The following SOX6 variants were observed in gnomAD, a reference collection of about 807,000 sequenced individuals.
The protein encoded by SOX6 is SRY-box transcription factor 6, also known as transcription factor SOX-6.
Under a neutral mutation model 97.8 loss-of-function variants are expected in SOX6, and 11 were observed. The observed-to-expected ratio is 0.11, with a 90% confidence interval of 0.07 to 0.19. SOX6 has a LOEUF of 0.19. SOX6 is among the 10% of genes least tolerant of loss of function. SOX6 has a pLI of 1.00. For synonymous variants in SOX6, 360 were observed against 371.4 expected (o/e 0.97, Z 0.35); for missense variants, 810 against 1,039.5 (o/e 0.78, Z 3.04).
At chr11:16,733,921 G>A (rs1357008509) in intron 2 of SOX6, among the ~76,000 whole-genome samples, 5 of 151,338 alleles carry the variant, frequency 3.3e-5, no homozygotes, top group Admixed American at 3.3e-4. Context: ...CAGCTACTCA[G>A]GAGGCTGAGG....
chr11:16,732,278 A>C (rs1848356196), intron 2 of SOX6, among the ~76,000 whole-genome samples: 1 of 152,238 alleles, frequency 6.6e-6, no homozygotes, highest in Non-Finnish European at 1.5e-5. Flanking sequence ...CATATACCCC[A>C]GACAATCCTA....
At chr11:16,034,632 A>T (rs2133889971) in intron 12 of SOX6, among the ~76,000 whole-genome samples, 1 of 152,338 alleles carries the variant, frequency 6.6e-6, no homozygotes, top group South Asian at 2.1e-4. Flanking sequence ...ACCAGCTGAA[A>T]ATGAAAATAA....
chr11:16,595,803 A>G (rs1848207088), intron 4 of SOX6, among the ~76,000 whole-genome samples: 1 of 152,104 alleles, frequency 6.6e-6, no homozygotes, highest in South Asian at 2.1e-4. Flanking sequence ...AGATTAAAAA[A>G]ACAAAAACCT....
At chr11:16,251,116 C>T (rs1187578269) in intron 3 of SOX6, among the ~76,000 whole-genome samples, 1 of 152,046 alleles carries the variant, frequency 6.6e-6, no homozygotes, top group African/African-American at 2.4e-5. Flanking sequence ...GAAAATCTGA[C>T]ATCTCAAATT....
At chr11:16,581,073 T>G (rs984550710) in intron 4 of SOX6, among the ~76,000 whole-genome samples, 12 of 152,274 alleles carry the variant, frequency 7.9e-5, no homozygotes, top group African/African-American at 2.6e-4. Context: ...AAATACCATT[T>G]GACCCAACAA....
At chr11:16,180,927 C>T (rs1044821224) in intron 6 of SOX6, among the ~76,000 whole-genome samples, 20 of 151,730 alleles carry the variant, frequency 1.3e-4, no homozygotes, top group Non-Finnish European at 2.8e-4. Flanking sequence ...CTTAATCATG[C>T]CTTTTCCTAT....
At chr11:15,977,077 A>C (rs1853508285) in intron 15 of SOX6, among the ~76,000 whole-genome samples, 1 of 152,108 alleles carries the variant, frequency 6.6e-6, no homozygotes, top group South Asian at 2.1e-4. Flanking sequence ...TCATGTCACC[A>C]GACTATGTCA....
upstream of SOX6, among the ~76,000 whole-genome samples, chr11:16,476,920 C>G (rs769725376): frequency 3.9e-5 from 6 of 152,124 alleles, no homozygotes; most frequent in Non-Finnish European, 7.4e-5. Flanking sequence ...AATTGTTTTG[C>G]TCACATATAC....
At chr11:16,265,157 G>C (rs534249992) in intron 3 of SOX6, among the ~76,000 whole-genome samples, 4 of 151,934 alleles carry the variant, frequency 2.6e-5, no homozygotes, top group Non-Finnish European at 5.9e-5. Context: ...GATCTGCAGA[G>C]GGGTCCCTTG....
At chr11:16,372,633 T>G (rs1326874817) in intron 1 of SOX6, among the ~76,000 whole-genome samples, 1 of 152,086 alleles carries the variant, frequency 6.6e-6, no homozygotes, top group East Asian at 1.9e-4. Context: ...AGTTAACGAC[T>G]GGTCACAAGA....
In SOX6 at chr11:16,679,451, C is replaced by A. The variant is rs143470217; in HGVS notation, n.429+35379G>T. Among the ~76,000 whole-genome samples, 999 of 152,222 alleles carry A rather than the reference C, an allele frequency of 6.6e-3. 24 individuals are homozygous for A. Among genetic ancestry groups the A allele is most frequent in the East Asian group, 0.052 (269 of 5,170 alleles). ...AATAAAATGACATCCACACCAAAACCCCACTGTAGGTCACCAACATCAAAG... is the reference window on the plus strand; with the variant it reads ...AATAAAATGACATCCACACCAAAACACCACTGTAGGTCACCAACATCAAAG... On this transcript the variant is annotated intron_variant and non_coding_transcript_variant, in intron 3 of 5. Coordinates refer to the SOX6 transcript ENST00000524520.
At position 15,999,139 on chromosome 11, in the gene SOX6, G is replaced by A. The variant is rs138397149; in HGVS notation, c.1733-9909C>T. ...AGGATATAGTTATGGCCAATAAGCAGATGAAAAGGTATTCCCTATTATTAA... is the reference window on the plus strand; with the variant it reads ...AGGATATAGTTATGGCCAATAAGCAAATGAAAAGGTATTCCCTATTATTAA... On this transcript the variant is annotated intron_variant, in intron 13 of 15. Transcript: ENST00000683767. Among the ~76,000 whole-genome samples the A allele has an allele frequency of 7.9e-5, 12 of 152,140 alleles. No homozygotes were observed. The East Asian group carries it at 2.3e-3, about 29-fold the overall frequency.
intron 3 of SOX6, among the ~76,000 whole-genome samples, chr11:16,237,326 C>G (rs767393621): frequency 5.3e-5 from 8 of 152,016 alleles, no homozygotes; most frequent in Non-Finnish European, 7.4e-5. Context: ...GCAGAAGACA[C>G]TACTGCTACC....
chr11:16,279,502 C>G (rs890961294), intron 3 of SOX6, among the ~76,000 whole-genome samples: 2 of 151,926 alleles, frequency 1.3e-5, no homozygotes, highest in Non-Finnish European at 2.9e-5. Context: ...TCTTTATATG[C>G]TAAATGTTGC....
At chr11:16,365,854 AAT>A (rs1403968219) in intron 1 of SOX6, among the ~76,000 whole-genome samples, 1 of 152,136 alleles carries the variant, frequency 6.6e-6, no homozygotes, top group African/African-American at 2.4e-5. Flanking sequence ...CTCTTAGACT[AAT>A]GAATTCAAAC....
At chr11:16,234,757 A>C in intron 3 of SOX6, 86 bp from the exon 4 acceptor site, 1 of 751,988 alleles carries the variant, frequency 1.3e-6, no homozygotes, top group Non-Finnish European at 2.1e-6. Flanking sequence ...TCATTTAAGA[A>C]TGCATAAAGC....
intron 13 of SOX6, among the ~76,000 whole-genome samples, chr11:16,014,223 C>T (rs769592871): frequency 6.6e-5 from 10 of 152,006 alleles, no homozygotes; most frequent in Non-Finnish European, 1.3e-4. Context: ...GCTGCTTGTG[C>T]ATTTAAAACA....
chr11:16,086,408 T>C (rs1848578942), intron 9 of SOX6, among the ~76,000 whole-genome samples: 1 of 152,122 alleles, frequency 6.6e-6, no homozygotes, highest in Non-Finnish European at 1.5e-5. Flanking sequence ...CAGCAAAGAC[T>C]CTGTGCTCTC....
chr11:16,593,800 GATAA>G (rs902403363), intron 4 of SOX6, among the ~76,000 whole-genome samples: 1 of 152,086 alleles, frequency 6.6e-6, no homozygotes, highest in African/African-American at 2.4e-5. Flanking sequence ...ATTCAGAGAG[GATAA>G]ATAAATTGTA....
Sources: allele counts gnomAD v4.1 joint callset (sites outside exome capture counted in the v4.1 genomes callset), GRCh38; gene constraint gnomAD v4.1.1; transcripts MANE v1.5; gene names NCBI Gene and HGNC (gene_info 2026-07-23, HGNC 2026-07-21).